Variants in GPATCH2 observed in about 807,000 individuals in gnomAD.
The protein encoded by GPATCH2 is G patch domain-containing protein 2.
Under a neutral mutation model 58.0 loss-of-function variants are expected in GPATCH2, and 51 were observed. That is an observed-to-expected ratio of 0.88 (90% CI 0.70 to 1.11). The LOEUF (loss-of-function observed/expected upper bound fraction) is 1.11. Ranked by LOEUF, GPATCH2 falls within the 50% of genes most tolerant of loss-of-function variation. GPATCH2 has a pLI of 0.00. For synonymous variants in GPATCH2, 222 were observed against 218.5 expected, an observed-to-expected ratio of 1.02 and a Z score of -0.14; for missense variants, 625 against 652.2, an observed-to-expected ratio of 0.96 and a Z score of 0.45.
At chr1:217,580,593 C>G (rs1345532174) in intron 5 of GPATCH2, among the ~76,000 whole-genome samples, 1 of 152,156 alleles carries the variant, frequency 6.6e-6, no homozygotes, top group Non-Finnish European at 1.5e-5. Context: ...TACAGCATTA[C>G]CTTCGGTAAT....
intron 5 of GPATCH2, among the ~76,000 whole-genome samples, chr1:217,570,839 T>C (rs1322758439): frequency 6.6e-6 from 1 of 152,236 alleles, no homozygotes; most frequent in Non-Finnish European, 1.5e-5. Flanking sequence ...AGAAATGTCA[T>C]GTATTAGAAC....
At chr1:217,502,606 T>C (rs1293706103) in intron 6 of GPATCH2, among the ~76,000 whole-genome samples, 1 of 152,102 alleles carries the variant, frequency 6.6e-6, no homozygotes, top group African/African-American at 2.4e-5. Flanking sequence ...TTTTTTCCTG[T>C]TTGTTCCTCT....
intron 8 of GPATCH2, among the ~76,000 whole-genome samples, chr1:217,487,961 C>T (rs1028834703): frequency 5.3e-5 from 8 of 152,074 alleles, no homozygotes; most frequent in East Asian, 3.9e-4. Context: ...AGGCTGGTAT[C>T]GAACTCCTGA....
Position 217,458,103 on chromosome 1 carries a change from GCCTGTAGTCCCAGCT to G in GPATCH2, c.1278-8781_1278-8767del, listed in dbSNP as rs375622076. Among the ~76,000 whole-genome samples the G allele has an allele frequency of 7.4e-3, 1,130 of 152,254 alleles. 10 individuals are homozygous for G. Among genetic ancestry groups the G allele is most frequent in the African/African-American group, 0.025 (1,030 of 41,544 alleles). ...AAATTAGCCAGGCGTGGTCGCGGGCGCCTGTAGTCCCAGCTACTCCGGAGGCTGAGGCAGGAGAAT... is the reference window on the plus strand; with the variant it reads ...AAATTAGCCAGGCGTGGTCGCGGGCGACTCCGGAGGCTGAGGCAGGAGAAT... On this transcript the variant is annotated intron_variant, in intron 8 of 9. Transcript: ENST00000366935.
At chr1:217,506,906 T>C (rs546174116) in intron 6 of GPATCH2, among the ~76,000 whole-genome samples, 3 of 152,326 alleles carry the variant, frequency 2.0e-5, no homozygotes, top group African/African-American at 7.2e-5. Flanking sequence ...CATCTCAATG[T>C]CTAGTTCAAA....
Position 217,523,363 on chromosome 1 carries a change from G to T in GPATCH2, c.1099-8474C>A, listed in dbSNP as rs535948485. 1.8e-3 allele frequency among the ~76,000 whole-genome samples: 280 copies of T among 151,630 alleles called. 2 individuals carry two copies. The highest frequency in any genetic ancestry group is 3.2e-3 in the Non-Finnish European group (215 of 67,998). On this transcript the variant is annotated intron_variant, in intron 5 of 9. Transcript: ENST00000366935. ...GTCCCTGGGTACTTGAGATTAGGGA[G>T]TGGTGATGACTCTTAACGAGCATGC...
intron 5 of GPATCH2, among the ~76,000 whole-genome samples, chr1:217,595,586 G>A (rs953640437): frequency 1.3e-5 from 2 of 151,458 alleles, no homozygotes; most frequent in Non-Finnish European, 2.9e-5. Flanking sequence ...TGCAATCTCC[G>A]CCTCCTGGGT....
intron 7 of GPATCH2, among the ~76,000 whole-genome samples, chr1:217,495,878 G>T (rs1661980597): frequency 6.6e-6 from 1 of 152,190 alleles, no homozygotes; most frequent in African/African-American, 2.4e-5. Context: ...AAATTGAAAT[G>T]GGACTTAGCA....
chr1:217,594,707 G>T (rs1667742579), intron 5 of GPATCH2, among the ~76,000 whole-genome samples: 1 of 152,050 alleles, frequency 6.6e-6, no homozygotes, highest in African/African-American at 2.4e-5. Flanking sequence ...GATTATAATT[G>T]TTATAAAAAT....
intron 8 of GPATCH2, among the ~76,000 whole-genome samples, chr1:217,480,511 G>A (rs1016111520): frequency 6.6e-6 from 1 of 152,156 alleles, no homozygotes; most frequent in Non-Finnish European, 1.5e-5. Flanking sequence ...CAGGGATGTG[G>A]AGAAAAGGGA....
chr1:217,608,240 A>G, intron 5 of GPATCH2: 1 of 973,558 alleles, frequency 1.0e-6, no homozygotes, highest in African/African-American at 1.8e-5. Context: ...ACAGTACTTA[A>G]AAATTCAAAC....
At chr1:217,622,365 G>A (rs1669229776) in intron 1 of GPATCH2, among the ~76,000 whole-genome samples, 1 of 152,208 alleles carries the variant, frequency 6.6e-6, no homozygotes, top group African/African-American at 2.4e-5. Flanking sequence ...TTTGGTTAAT[G>A]TGAATTTGTA....
intron 5 of GPATCH2, among the ~76,000 whole-genome samples, chr1:217,587,078 G>A (rs1444053100): frequency 1.3e-5 from 2 of 152,060 alleles, no homozygotes; most frequent in Non-Finnish European, 2.9e-5. Context: ...CTGCAACTTT[G>A]GATGATTTTC....
intron 5 of GPATCH2, among the ~76,000 whole-genome samples, chr1:217,586,395 TA>T (rs1467481907): frequency 2.6e-5 from 4 of 152,044 alleles, no homozygotes; most frequent in Non-Finnish European, 1.5e-5. Flanking sequence ...AACTTTTTGT[TA>T]AAAACAAGAC....
intron 5 of GPATCH2, among the ~76,000 whole-genome samples, chr1:217,531,374 G>C (rs1166967586): frequency 6.6e-6 from 1 of 152,126 alleles, no homozygotes; most frequent in African/African-American, 2.4e-5. Context: ...TTTTTCATGA[G>C]AGCTGATTAG....
At chr1:217,478,253 CACTT>C (rs1266742443) in intron 8 of GPATCH2, among the ~76,000 whole-genome samples, 9 of 152,252 alleles carry the variant, frequency 5.9e-5, no homozygotes, top group Admixed American at 2.0e-4. Flanking sequence ...CACAGACAAA[CACTT>C]ACAAGTATCA....
At chr1:217,568,356 G>T (rs1666362150) in intron 5 of GPATCH2, among the ~76,000 whole-genome samples, 1 of 152,142 alleles carries the variant, frequency 6.6e-6, no homozygotes, top group Non-Finnish European at 1.5e-5. Context: ...GGCACAGTGT[G>T]CTAAGGCCAT....
intron 5 of GPATCH2, chr1:217,609,901 AGAG>A (rs1668543567): frequency 9.1e-7 from 1 of 1,103,170 alleles, no homozygotes; most frequent in Non-Finnish European, 1.1e-6. Context: ...AAACCATAAA[AGAG>A]AAAAATATAT....
intron 2 of GPATCH2, 122 bp from the exon 3 acceptor site, chr1:217,614,324 T>C: frequency 1.6e-6 from 1 of 623,166 alleles, no homozygotes; most frequent in Non-Finnish European, 2.9e-6. Context: ...TGAAAGAAAA[T>C]AAGATGATTT....
Sources: gnomAD v4.1 joint callset for allele counts (sites outside exome capture counted in the v4.1 genomes callset) on GRCh38, gnomAD v4.1.1 for gene constraint, MANE v1.5 for transcripts, NCBI Gene and HGNC (gene_info 2026-07-23, HGNC 2026-07-21) for gene names.